MCM8: variants seen among roughly 807,000 people sequenced by gnomAD.
MCM8 encodes DNA helicase MCM8.
In MCM8, 85 loss-of-function variants were observed where a neutral mutation model predicts 98.9. The ratio of observed to expected loss-of-function variants is 0.86; its 90% confidence interval spans 0.72 to 1.03. The LOEUF (loss-of-function observed/expected upper bound fraction) is 1.03. MCM8 is among the 50% of genes least tolerant of loss of function. The pLI is 0.00. For missense variants in MCM8, 951 were observed against 997.8 expected, an observed-to-expected ratio of 0.95 and a Z score of 0.63; for synonymous variants, 352 against 338.6, an observed-to-expected ratio of 1.04 and a Z score of -0.44.
chr20:5,971,001 T>C (rs1600271747), intron 10 of MCM8, among the ~76,000 whole-genome samples: 1 of 151,988 alleles, frequency 6.6e-6, no homozygotes, highest in Non-Finnish European at 1.5e-5. Context: ...TTTATAGATA[T>C]CGGGGTCTCA....
chr20:5,986,303 T>C (rs746034030), intron 16 of MCM8, among the ~76,000 whole-genome samples, 172 bp downstream of exon 16: 2 of 152,254 alleles, frequency 1.3e-5, no homozygotes, highest in Non-Finnish European at 2.9e-5. Context: ...CTATAACATA[T>C]CCAAGTATAG....
chr20:5,969,953 A>G (rs1442719055), intron 10 of MCM8, among the ~76,000 whole-genome samples: 1 of 152,150 alleles, frequency 6.6e-6, no homozygotes, highest in Non-Finnish European at 1.5e-5. Context: ...TCCCATACTT[A>G]TAGAAGAGTA....
chr20:5,974,382 C>A (rs2089466397), intron 12 of MCM8, among the ~76,000 whole-genome samples: 1 of 152,142 alleles, frequency 6.6e-6, no homozygotes, highest in Non-Finnish European at 1.5e-5. Flanking sequence ...CCTGCCTTAG[C>A]CTTCCAAAGT....
chr20:5,955,996 T>C (rs2088971553), intron 5 of MCM8, among the ~76,000 whole-genome samples: 1 of 152,150 alleles, frequency 6.6e-6, no homozygotes, highest in Admixed American at 6.5e-5. Flanking sequence ...CTTGATCTCT[T>C]GATCTTGTGA....
At chr20:5,965,584 T>C (rs2089257887) in intron 8 of MCM8, 1 of 152,174 alleles carries the variant, frequency 6.6e-6, no homozygotes, top group Non-Finnish European at 1.5e-5. Flanking sequence ...GGAGCTGTAA[T>C]TTATGTCACT....
chr20:5,968,716 A>C (rs2089334949), intron 10 of MCM8, among the ~76,000 whole-genome samples: 1 of 152,218 alleles, frequency 6.6e-6, no homozygotes, highest in Admixed American at 6.5e-5. Context: ...CCTTTTATAG[A>C]AAAAATTTGC....
At chr20:5,958,145 CG>C (rs2089036249) in intron 6 of MCM8, among the ~76,000 whole-genome samples, 4 of 152,282 alleles carry the variant, frequency 2.6e-5, no homozygotes, top group South Asian at 4.1e-4. Context: ...CCGAGGCAGG[CG>C]GATCACGAGG....
In MCM8 at chr20:5,994,478, G is replaced by C. The variant is rs201714626; in HGVS notation, c.*87G>C. ...ATATGCGTGCACGCACAGACAGACAGACACACACACACACACACACACACA... is the reference window on the plus strand; with the variant it reads ...ATATGCGTGCACGCACAGACAGACACACACACACACACACACACACACACA... On this transcript the variant is annotated 3_prime_UTR_variant, in exon 19 of 19. Coordinates refer to ENST00000610722, the MANE Select transcript of MCM8 (RefSeq NM_032485.6). 1.5e-3 allele frequency: 573 copies of C among 384,110 alleles called. No homozygotes were observed. Among genetic ancestry groups the C allele is most frequent in the African/African-American group, 3.3e-3 (143 of 43,260 alleles). The allele number at this position is 384,110 out of a possible 1,614,324, so 23.8% of individuals were successfully genotyped here. A position where few individuals can be genotyped will look rare whatever the true frequency, so the allele number is the denominator to read the frequency against.
At chr20:5,965,569 G>A (rs554010092) in intron 8 of MCM8, 20 of 152,182 alleles carry the variant, frequency 1.3e-4, no homozygotes, top group Middle Eastern at 3.4e-3. Flanking sequence ...CAAATGCCAA[G>A]CAAAGGAGCT....
intron 14 of MCM8, among the ~76,000 whole-genome samples, chr20:5,983,528 C>T (rs933373740): frequency 5.3e-5 from 8 of 151,990 alleles, no homozygotes; most frequent in Non-Finnish European, 7.4e-5. Context: ...GGCAAAACCC[C>T]GTCTTTAGTA....
At chr20:5,959,391 T>G (rs778922986) in intron 7 of MCM8, among the ~76,000 whole-genome samples, 25 of 152,242 alleles carry the variant, frequency 1.6e-4, no homozygotes, top group Non-Finnish European at 3.2e-4. Context: ...ACATTTTTAT[T>G]CTTGACTACA....
At chr20:5,953,169 T>C (rs1279149144) in intron 3 of MCM8, among the ~76,000 whole-genome samples, 1 of 152,162 alleles carries the variant, frequency 6.6e-6, no homozygotes, top group Non-Finnish European at 1.5e-5. Context: ...CACCTTCCCG[T>C]CTCTAAAGTG....
chr20:5,957,774 A>C (rs1160355486), intron 6 of MCM8, among the ~76,000 whole-genome samples: 1 of 152,216 alleles, frequency 6.6e-6, no homozygotes, highest in African/African-American at 2.4e-5. Context: ...TTAAATTATT[A>C]GGTTTTTGTT....
Position 5,973,143 on chromosome 20 carries a change from C to T in MCM8, c.1342C>T (p.Pro448Ser), listed in dbSNP as rs1430060099. 2 of 1,614,178 alleles carry T rather than the reference C, an allele frequency of 1.2e-6. No homozygotes were observed. Among genetic ancestry groups the T allele is most frequent in the Admixed American group, 3.3e-5 (2 of 60,026 alleles). ...DKNRIPIRGD[P>S]HILVVGDPGL... is the part of the protein sequence containing the mutation. The stretch of plus-strand genomic sequence containing the variant: ...AAACAGAATTCCAATTCGGGGAGAC[C>T]CCCACATCCTTGTTGTTGGAGATCC... The change falls in exon 12 of 19, where the codon CCC (proline) becomes TCC (serine). Residue 448 changes from proline (P) to serine (S), a missense_variant. Physicochemically the swap from Pro to Ser is moderately conservative, Grantham distance 74. Transcript: ENST00000610722.
At chr20:5,975,478 A>G (rs1411782758) in intron 12 of MCM8, among the ~76,000 whole-genome samples, 1 of 150,244 alleles carries the variant, frequency 6.7e-6, no homozygotes, top group Non-Finnish European at 1.5e-5. Flanking sequence ...TGCAGTATAT[A>G]AAACTTCCTT....
chr20:5,952,209 A>G, intron 2 of MCM8, 46 bp downstream of exon 2: 5 of 1,606,302 alleles, frequency 3.1e-6, no homozygotes, highest in East Asian at 2.2e-5. Flanking sequence ...TTAAGGAAGC[A>G]ATTCACGTCT....
chr20:5,954,358 A>G (rs192043317), intron 3 of MCM8, among the ~76,000 whole-genome samples: 1 of 152,224 alleles, frequency 6.6e-6, no homozygotes, highest in African/African-American at 2.4e-5. Context: ...CAAAGATGCA[A>G]AACAAAGTTT....
In MCM8 at chr20:5,988,113, T is replaced by TA. The variant is rs770652455; in HGVS notation, c.2240+762dup. Among the ~76,000 whole-genome samples, 55 of 152,186 alleles carry TA rather than the reference T, an allele frequency of 3.6e-4. No homozygotes were observed. The East Asian group carries it at 3.9e-3, about 11-fold the overall frequency. ...TTTGGGTAGTTTTTTTTATTCCAGA[T>TA]AAAAAAATTTTTTTAATAGGTCCAT... On this transcript the variant is annotated intron_variant, in intron 17 of 18. Transcript: ENST00000610722.
chr20:5,972,924 C>G, intron 11 of MCM8, 132 bp from the exon 12 acceptor site: 1 of 1,352,618 alleles, frequency 7.4e-7, no homozygotes, highest in Non-Finnish European at 9.8e-7. Flanking sequence ...ACTTCCTTTT[C>G]TTAGAAAAAA....
Sources: allele counts gnomAD v4.1 joint callset (sites outside exome capture counted in the v4.1 genomes callset), GRCh38; gene constraint gnomAD v4.1.1; transcripts MANE v1.5; gene names NCBI Gene and HGNC (gene_info 2026-07-23, HGNC 2026-07-21).